NF1: variants seen among roughly 807,000 people sequenced by gnomAD.
NF1 encodes neurofibromin 1.
A neutral mutation model predicts 325.7 loss-of-function variants in NF1; 122 were observed. The ratio of observed to expected loss-of-function variants is 0.37; its 90% CI spans 0.32 to 0.44. NF1 has a LOEUF of 0.44. NF1 is among the 20% of genes least tolerant of loss of function. The probability of loss-of-function intolerance (pLI) is 1.00; values close to 1 mark genes in which losing one functional copy is unlikely to be tolerated. For missense variants in NF1, 2,140 were observed against 3,415.4 expected, an observed-to-expected ratio of 0.63 and a Z score of 9.31; for synonymous variants, 1,091 against 1,186.0, an observed-to-expected ratio of 0.92 and a Z score of 1.65.
At chr17:31,335,290 A>AATCC (rs2069627796) in intron 40 of NF1, among the ~76,000 whole-genome samples, 2 of 71,640 alleles carry the variant, frequency 2.8e-5, no homozygotes, top group African/African-American at 8.7e-5. Context: ...ATATATATAT[A>AATCC]TATATAATTA....
At chr17:31,247,601 A>G (rs1162878616) in intron 29 of NF1, among the ~76,000 whole-genome samples, 1 of 152,218 alleles carries the variant, frequency 6.6e-6, no homozygotes, top group Non-Finnish European at 1.5e-5. Context: ...TACTAGTTTT[A>G]GAGCTATTTG....
At chr17:31,170,366 TA>T (rs1471747453) in intron 5 of NF1, among the ~76,000 whole-genome samples, 1 of 152,218 alleles carries the variant, frequency 6.6e-6, no homozygotes, top group Non-Finnish European at 1.5e-5. Context: ...AGATTGTCTG[TA>T]GTAGGATATC....
chr17:31,143,119 T>C (rs946180280), intron 1 of NF1, among the ~76,000 whole-genome samples: 1 of 152,216 alleles, frequency 6.6e-6, no homozygotes, highest in Admixed American at 6.5e-5. Flanking sequence ...TAAGCAAATA[T>C]CAGTGTTTTT....
intron 36 of NF1, among the ~76,000 whole-genome samples, chr17:31,288,589 T>G (rs1377682631): frequency 6.8e-6 from 1 of 146,786 alleles, no homozygotes; most frequent in Non-Finnish European, 1.5e-5. Flanking sequence ...CAGGCTGGAG[T>G]GCAGTGGCAT....
chr17:31,207,085 GA>G (rs1333091936), intron 12 of NF1, among the ~76,000 whole-genome samples: 1 of 152,146 alleles, frequency 6.6e-6, no homozygotes, highest in East Asian at 1.9e-4. Flanking sequence ...TCTTGACATT[GA>G]TTGGTGGTGC....
intron 36 of NF1, among the ~76,000 whole-genome samples, chr17:31,288,598 A>C (rs11655645): frequency 6.8e-6 from 1 of 146,054 alleles, no homozygotes; most frequent in Non-Finnish European, 1.5e-5. Flanking sequence ...GTGCAGTGGC[A>C]TGATCTCGGC....
intron 29 of NF1, among the ~76,000 whole-genome samples, chr17:31,247,244 T>C (rs1486033658): frequency 3.4e-5 from 5 of 146,788 alleles, no homozygotes; most frequent in Non-Finnish European, 7.5e-5. Flanking sequence ...AATAATGAAG[T>C]AGAGCAGGAA....
intron 2 of NF1, among the ~76,000 whole-genome samples, chr17:31,158,568 A>G (rs1597629141): frequency 6.6e-6 from 1 of 152,200 alleles, no homozygotes; most frequent in African/African-American, 2.4e-5. Context: ...TCTCTTGTTA[A>G]TAAATACATA....
chr17:31,214,516 A>T lies in NF1; in HGVS notation c.1458A>T (p.Thr486=). 6.2e-7 allele frequency: 1 copy of T among 1,609,066 alleles called. No homozygotes were observed. Among genetic ancestry groups the T allele is most frequent in the Non-Finnish European group, 8.5e-7 (1 of 1,175,786 alleles). ...KFKEKPTDLE[T]RSYKYLLLSM... Reference sequence around the variant, plus strand: ...AAGAAAAACCTACAGACCTGGAGACAAGAAGCTATAAGTATCTTCTCTTGT... The same window carrying T: ...AAGAAAAACCTACAGACCTGGAGACTAGAAGCTATAAGTATCTTCTCTTGT... Residue 486 remains threonine (T), a synonymous_variant, in exon 13 of 58, where the codon ACA becomes ACT. Coordinates refer to ENST00000358273, the MANE Select transcript of NF1 (RefSeq NM_001042492.3).
chr17:31,348,776 AAGG>A (rs2070061245), intron 48 of NF1, among the ~76,000 whole-genome samples: 1 of 152,026 alleles, frequency 6.6e-6, no homozygotes, highest in East Asian at 1.9e-4. Flanking sequence ...ATGAAATCTT[AAGG>A]AGAATTATAA....
In NF1 at chr17:31,206,310, G is replaced by A. The variant is rs1555611582; in HGVS notation, c.1331G>A (p.Gly444Asp). The A allele has an allele frequency of 1.2e-6, 2 of 1,613,816 alleles. No individual in the cohort carries two copies. ...CHSVELRNMF[G>D]ETLHKAVQGC... ...TCGGTTGAACTTCGAAATATGTTTG[G>A]TGAAACACTTCATAAAGCAGTGCAA... Residue 444 changes from glycine (G) to aspartate (D), a missense_variant, in exon 12 of 58, where the codon GGT becomes GAT. Physicochemically the swap from Gly to Asp is moderately conservative, Grantham distance 94 (BLOSUM62 -1). Transcript: ENST00000358273.
At chr17:31,267,271 T>C (rs1396662967) in intron 36 of NF1, among the ~76,000 whole-genome samples, 1 of 152,178 alleles carries the variant, frequency 6.6e-6, no homozygotes, top group Non-Finnish European at 1.5e-5. Flanking sequence ...TTTCCAAATC[T>C]GTTGCTTCAT....
intron 4 of NF1, among the ~76,000 whole-genome samples, chr17:31,169,605 G>A (rs887422669): frequency 6.6e-6 from 1 of 152,044 alleles, no homozygotes; most frequent in African/African-American, 2.4e-5. Flanking sequence ...AAGTACAGTG[G>A]TGTGATCACA....
At chr17:31,360,943 C>G (rs747681094) in intron 57 of NF1, 2 of 552,618 alleles carry the variant, frequency 3.6e-6, no homozygotes, top group Non-Finnish European at 6.5e-6. Flanking sequence ...CCAAGGTTGA[C>G]AAGTTTGTAG....
rs2151427604 is a variant in NF1, at chr17:31,227,598, G to A, written c.2401G>A (p.Asp801Asn). 6.2e-7 allele frequency: 1 copy of A among 1,613,738 alleles called. No homozygotes were observed. The highest frequency in any genetic ancestry group is 2.2e-5 in the East Asian group (1 of 44,844). ...ILNYPKAKME[D>N]GQAAESLHKT... ...TAACTATCCAAAAGCCAAAATGGAA[G>A]ATGGCCAGGTAAGTCTGTAAAGTTG... The change falls in exon 20 of 58, where the codon GAT (aspartate) becomes AAT (asparagine). Residue 801 changes from aspartate to asparagine, a missense_variant. By Grantham distance (23) the Asp-to-Asn change is conservative. Coordinates refer to ENST00000358273, the MANE Select transcript of NF1 (RefSeq NM_001042492.3).
intron 36 of NF1, among the ~76,000 whole-genome samples, chr17:31,282,264 C>T (rs777354216): frequency 2.0e-5 from 3 of 151,662 alleles, no homozygotes; most frequent in Non-Finnish European, 2.9e-5. Flanking sequence ...CACCTGTAGT[C>T]CCAGCTACTT....
intron 31 of NF1, 44 bp from the exon 32 acceptor site, chr17:31,258,300 A>C: frequency 1.9e-6 from 3 of 1,610,648 alleles, no homozygotes; most frequent in Non-Finnish European, 2.5e-6. Flanking sequence ...ATGTCTTTAT[A>C]TTAATTCAAA....
chr17:31,294,213 TCTC>T lies in NF1; in HGVS notation c.4835+28876_4835+28878del, dbSNP rs572094403. ...ATTTTAATTTTGTAAATATTTAAAT[TCTC>T]CATTAATGGTGTGTTAAATCTGCAC... On this transcript the variant is annotated intron_variant, in intron 36 of 57. Transcript: ENST00000358273. Among the ~76,000 whole-genome samples, 200 of 152,350 alleles carry T rather than the reference TCTC, an allele frequency of 1.3e-3. 1 individual carries two copies. The highest frequency in any genetic ancestry group is 1.2e-3 in the Non-Finnish European group (84 of 68,030).
intron 4 of NF1, among the ~76,000 whole-genome samples, chr17:31,165,423 A>G (rs1806965124): frequency 1.3e-5 from 2 of 152,194 alleles, no homozygotes; most frequent in African/African-American, 4.8e-5. Flanking sequence ...TCACTCACCT[A>G]AAAGACCATT....
Sources: allele counts gnomAD v4.1 joint callset (sites outside exome capture counted in the v4.1 genomes callset), GRCh38; gene constraint gnomAD v4.1.1; transcripts MANE v1.5; gene names NCBI Gene and HGNC (gene_info 2026-07-23, HGNC 2026-07-21).